The following LINGO2 variants were observed in gnomAD, a reference collection of about 807,000 sequenced individuals.
The protein encoded by LINGO2 is leucine-rich repeat and immunoglobulin-like domain-containing nogo receptor-interacting protein 2.
In LINGO2, 14 loss-of-function variants were observed where a neutral mutation model predicts 30.6. The observed-to-expected ratio is 0.46, with a 90% CI of 0.30 to 0.72. LINGO2 has a LOEUF of 0.72. Among genes scored for constraint, LINGO2 ranks in the 30% least tolerant of loss-of-function variants. The probability of loss-of-function intolerance (pLI) is 0.07; values close to 1 mark genes in which losing one functional copy is unlikely to be tolerated. For missense variants in LINGO2, 729 were observed against 751.7 expected, an observed-to-expected ratio of 0.97 and a Z score of 0.35; for synonymous variants, 317 against 288.5, an observed-to-expected ratio of 1.10 and a Z score of -1.00.
chr9:28,492,207 C>G lies in LINGO2; in HGVS notation c.-364-16182G>C, dbSNP rs895534470. 3.9e-5 allele frequency among the ~76,000 whole-genome samples: 6 copies of G among 152,164 alleles called. No individual in the cohort carries two copies. The South Asian group carries it at 8.3e-4, about 21-fold the overall frequency. Reference sequence around the variant, plus strand: ...CTAAATTCCATTCGGTGTTGTGTATCTTGCATGTGCCAGTGAGACTAAGTG... The same window carrying G: ...CTAAATTCCATTCGGTGTTGTGTATGTTGCATGTGCCAGTGAGACTAAGTG... On this transcript the variant is annotated intron_variant, in intron 1 of 5. Coordinates refer to ENST00000379992, the Ensembl canonical transcript of LINGO2.
intron 4 of LINGO2, among the ~76,000 whole-genome samples, chr9:28,014,997 C>G (rs903515621): frequency 6.6e-6 from 1 of 152,018 alleles, no homozygotes; most frequent in African/African-American, 2.4e-5. Context: ...TGATAAAAAA[C>G]AAAATAGTTC....
At chr9:29,148,817 C>T in the LINGO2 span, among the ~76,000 whole-genome samples, 301 of 152,086 alleles carry the variant, frequency 2.0e-3, 1 homozygote, top group Non-Finnish European at 3.6e-3. Context: ...GTGATAATTA[C>T]GGGATTTTGC....
the LINGO2 span, among the ~76,000 whole-genome samples, chr9:28,903,471 A>G: frequency 6.6e-6 from 1 of 152,084 alleles, no homozygotes; most frequent in Non-Finnish European, 1.5e-5. Context: ...TCATTCATCC[A>G]TCCATTCATT....
intron 1 of LINGO2, among the ~76,000 whole-genome samples, chr9:28,613,176 A>G (rs1424786586): frequency 6.6e-6 from 1 of 152,124 alleles, no homozygotes; most frequent in African/African-American, 2.4e-5. Flanking sequence ...TTTTCTTTAT[A>G]AATTACACAG....
At chr9:28,683,945 T>C in the LINGO2 span, among the ~76,000 whole-genome samples, 3 of 152,180 alleles carry the variant, frequency 2.0e-5, no homozygotes, top group Non-Finnish European at 1.5e-5. Flanking sequence ...TTAAGTACTC[T>C]TACTCTTTAA....
chr9:28,391,012 C>T (rs10968554), intron 2 of LINGO2, among the ~76,000 whole-genome samples: 16,621 of 152,158 alleles, frequency 0.11, 963 homozygotes, highest in East Asian at 0.19. Flanking sequence ...CAATAATACA[C>T]GACTCCCAGA....
intron 4 of LINGO2, among the ~76,000 whole-genome samples, chr9:28,207,364 T>G (rs541952671): frequency 6.6e-6 from 1 of 152,128 alleles, no homozygotes; most frequent in African/African-American, 2.4e-5. Flanking sequence ...CTCACAATCT[T>G]CTGTTACTTT....
At chr9:28,045,180 C>CCA (rs1176193946) in intron 4 of LINGO2, among the ~76,000 whole-genome samples, 4 of 151,878 alleles carry the variant, frequency 2.6e-5, no homozygotes, top group Admixed American at 6.6e-5. Context: ...CAAAAAAAAC[C>CCA]CACACACACA....
intron 4 of LINGO2, among the ~76,000 whole-genome samples, chr9:28,271,074 C>T (rs759003468): frequency 6.6e-5 from 10 of 151,920 alleles, no homozygotes; most frequent in Admixed American, 2.0e-4. Context: ...CCATACATTC[C>T]TGTGATGTTC....
chr9:28,276,316 AT>A (rs1340798480), intron 4 of LINGO2, among the ~76,000 whole-genome samples: 5 of 152,070 alleles, frequency 3.3e-5, no homozygotes, highest in East Asian at 1.9e-4. Context: ...GACCACACAT[AT>A]TTTTTTCTTT....
At chr9:28,066,396 C>T (rs1825314916) in intron 4 of LINGO2, among the ~76,000 whole-genome samples, 1 of 151,956 alleles carries the variant, frequency 6.6e-6, no homozygotes, top group Non-Finnish European at 1.5e-5. Context: ...AGGGGTGGCA[C>T]CAAAGAAATC....
chr9:28,865,074 G>C, the LINGO2 span, among the ~76,000 whole-genome samples: 5 of 152,256 alleles, frequency 3.3e-5, no homozygotes, highest in Admixed American at 2.6e-4. Context: ...AGAGTAGCAG[G>C]AATTAGCAAT....
chr9:28,781,782 C>T, the LINGO2 span, among the ~76,000 whole-genome samples: 2 of 152,142 alleles, frequency 1.3e-5, no homozygotes, highest in African/African-American at 4.8e-5. Context: ...AAAAAATCCA[C>T]TTAATTCCAT....
At chr9:28,200,925 T>C (rs1052854626) in intron 4 of LINGO2, among the ~76,000 whole-genome samples, 1 of 151,706 alleles carries the variant, frequency 6.6e-6, no homozygotes. Context: ...AATAAATCAA[T>C]AAATCAATAA....
intron 3 of LINGO2, among the ~76,000 whole-genome samples, chr9:28,357,393 G>A (rs1820262474): frequency 7.0e-6 from 1 of 143,736 alleles, no homozygotes; most frequent in Non-Finnish European, 1.5e-5. Context: ...GGTCTATGTT[G>A]TGACTAATTT....
intron 5 of LINGO2, among the ~76,000 whole-genome samples, chr9:27,995,895 A>G (rs1398181333): frequency 6.6e-6 from 1 of 152,212 alleles, no homozygotes; most frequent in Non-Finnish European, 1.5e-5. Flanking sequence ...GATACAAGGC[A>G]TCCAAATGGG....
intron 4 of LINGO2, among the ~76,000 whole-genome samples, chr9:28,212,355 C>G (rs72726944): frequency 1.3e-5 from 2 of 151,264 alleles, no homozygotes; most frequent in African/African-American, 2.4e-5. Flanking sequence ...GTTAGCATGG[C>G]AAATGAGGGG....
At chr9:28,826,138 A>G in the LINGO2 span, among the ~76,000 whole-genome samples, 1 of 152,094 alleles carries the variant, frequency 6.6e-6, no homozygotes, top group Non-Finnish European at 1.5e-5. Flanking sequence ...ATACCAACCA[A>G]TCAGAACCAA....
At chr9:27,978,534 C>T (rs1323597217) in intron 5 of LINGO2, among the ~76,000 whole-genome samples, 1 of 151,974 alleles carries the variant, frequency 6.6e-6, no homozygotes, top group Admixed American at 6.6e-5. Flanking sequence ...CATGTGAGGA[C>T]ACAGGGAGAA....
Sources: allele counts gnomAD v4.1 joint callset (sites outside exome capture counted in the v4.1 genomes callset), GRCh38; gene constraint gnomAD v4.1.1; transcripts MANE v1.5; gene names NCBI Gene and HGNC (gene_info 2026-07-23, HGNC 2026-07-21).